Variants in MMP26 observed in about 807,000 individuals in gnomAD.
MMP26 encodes matrix metalloproteinase-26.
Under a neutral mutation model 31.0 loss-of-function variants are expected in MMP26, and 33 were observed. The ratio of observed to expected loss-of-function variants is 1.06; its 90% confidence interval spans 0.81 to 1.42. MMP26 has a LOEUF of 1.42. MMP26 is among the 40% of genes most tolerant of loss of function. MMP26 has a pLI of 0.00. For synonymous variants in MMP26, 122 were observed against 114.9 expected, an observed-to-expected ratio of 1.06 and a Z score of -0.40; for missense variants, 347 against 316.1, an observed-to-expected ratio of 1.10 and a Z score of -0.74.
chr11:4,705,156 C>T (rs1031982432), intron 1 of MMP26, 111 bp downstream of exon 1: 2 of 152,162 alleles, frequency 1.3e-5, no homozygotes, highest in African/African-American at 4.8e-5. Flanking sequence ...TGAGCATGAA[C>T]TCAGTAGTGT....
intron 2 of MMP26, chr11:4,908,283 A>G (rs1850937257): frequency 1.9e-6 from 3 of 1,614,018 alleles, no homozygotes; most frequent in Non-Finnish European, 2.5e-6. Flanking sequence ...ATCTTGGGGA[A>G]GTTGCTTAAT....
chr11:4,765,431 T>C (rs1422409736), intron 1 of MMP26, among the ~76,000 whole-genome samples: 1 of 152,204 alleles, frequency 6.6e-6, no homozygotes, highest in Non-Finnish European at 1.5e-5. Context: ...TGCTCCTCTA[T>C]TCTTGCCTTC....
intron 2 of MMP26, among the ~76,000 whole-genome samples, chr11:4,857,730 C>A (rs1428664302): frequency 6.6e-6 from 1 of 152,140 alleles, no homozygotes; most frequent in Non-Finnish European, 1.5e-5. Context: ...TTTTATGAGG[C>A]CAGCATCATC....
At chr11:4,747,363 TC>T (rs1848394949) in intron 1 of MMP26, among the ~76,000 whole-genome samples, 1 of 152,188 alleles carries the variant, frequency 6.6e-6, no homozygotes, top group South Asian at 2.1e-4. Flanking sequence ...AGGAAAAGTG[TC>T]CTTAAGAAAC....
At chr11:4,828,536 A>C (rs1849607352) in intron 2 of MMP26, among the ~76,000 whole-genome samples, 1 of 152,108 alleles carries the variant, frequency 6.6e-6, no homozygotes, top group Non-Finnish European at 1.5e-5. Flanking sequence ...AAAGGAATAA[A>C]ATTTACTTGT....
At chr11:4,917,495 T>G (rs769963274) in intron 2 of MMP26, among the ~76,000 whole-genome samples, 5 of 152,186 alleles carry the variant, frequency 3.3e-5, no homozygotes, top group Admixed American at 3.3e-4. Context: ...ATAAACTGAT[T>G]GGAGAAACAC....
At chr11:4,776,491 G>A (rs1848792472) in intron 2 of MMP26, among the ~76,000 whole-genome samples, 2 of 151,738 alleles carry the variant, frequency 1.3e-5, no homozygotes, top group South Asian at 2.1e-4. Flanking sequence ...TTTCTGACTG[G>A]TTCAAGATTA....
At chr11:4,879,043 G>A (rs1398360532) in intron 2 of MMP26, among the ~76,000 whole-genome samples, 1 of 152,114 alleles carries the variant, frequency 6.6e-6, no homozygotes, top group Non-Finnish European at 1.5e-5. Context: ...AGACCAGCCT[G>A]GCCAACATGA....
intron 5 of MMP26, 114 bp from the exon 6 acceptor site, chr11:4,991,257 C>A: frequency 1.5e-6 from 2 of 1,296,494 alleles, no homozygotes; most frequent in Non-Finnish European, 2.1e-6. Context: ...CTCTCACATC[C>A]CCCAGTGGTA....
intron 1 of MMP26, among the ~76,000 whole-genome samples, chr11:4,715,997 A>G (rs1847925085): frequency 6.6e-6 from 1 of 152,228 alleles, no homozygotes; most frequent in Admixed American, 6.5e-5. Flanking sequence ...ATCTCGAAGG[A>G]GGTTCTACTG....
At chr11:4,714,785 G>A (rs1009948747) in intron 1 of MMP26, among the ~76,000 whole-genome samples, 1 of 152,034 alleles carries the variant, frequency 6.6e-6, no homozygotes, top group African/African-American at 2.4e-5. Flanking sequence ...CTTACAATGG[G>A]CCTGGAGTGT....
intron 2 of MMP26, among the ~76,000 whole-genome samples, chr11:4,786,543 A>G (rs554331125): frequency 1.6e-4 from 19 of 119,644 alleles, no homozygotes; most frequent in Non-Finnish European, 2.9e-4. Flanking sequence ...GTTGTGAGAT[A>G]GGATGAGGTA....
intron 1 of MMP26, among the ~76,000 whole-genome samples, chr11:4,747,040 T>C (rs73393011): frequency 0.045 from 6,780 of 152,212 alleles, 483 homozygotes; most frequent in African/African-American, 0.16. Context: ...TCCCAGGTCA[T>C]TGATCCTGGC....
At chr11:4,821,791 C>T (rs767787431) in intron 2 of MMP26, 12 of 1,613,032 alleles carry the variant, frequency 7.4e-6, no homozygotes, top group Admixed American at 3.3e-5. Flanking sequence ...GGCCTTTGAT[C>T]GTTTTGTGGC....
intron 2 of MMP26, among the ~76,000 whole-genome samples, chr11:4,816,473 A>G (rs184407158): frequency 2.6e-5 from 4 of 151,972 alleles, no homozygotes; most frequent in Admixed American, 2.6e-4. Context: ...CTCTACTATT[A>G]TTGTTGCAGT....
chr11:4,820,219 T>A (rs1458267544), intron 2 of MMP26, among the ~76,000 whole-genome samples: 1 of 152,228 alleles, frequency 6.6e-6, no homozygotes, highest in East Asian at 1.9e-4. Context: ...TTTCTTCTAC[T>A]GCCTAACTGC....
At chr11:4,884,258 T>C (rs1850518397) in intron 2 of MMP26, among the ~76,000 whole-genome samples, 2 of 152,140 alleles carry the variant, frequency 1.3e-5, no homozygotes, top group Non-Finnish European at 2.9e-5. Context: ...CTATAAAGTA[T>C]GCAATTATAA....
chr11:4,779,223 A>G (rs1453288939), intron 2 of MMP26, among the ~76,000 whole-genome samples: 1 of 152,064 alleles, frequency 6.6e-6, no homozygotes, highest in South Asian at 2.1e-4. Flanking sequence ...AACATTAAGT[A>G]TGATTTTTGA....
intron 2 of MMP26, among the ~76,000 whole-genome samples, chr11:4,974,248 A>G (rs1846705876): frequency 6.6e-6 from 1 of 152,028 alleles, no homozygotes; most frequent in African/African-American, 2.4e-5. Flanking sequence ...GTTGCAATAT[A>G]TGTCCTGCTT....
Sources: allele counts gnomAD v4.1 joint callset (sites outside exome capture counted in the v4.1 genomes callset), GRCh38; gene constraint gnomAD v4.1.1; transcripts MANE v1.5; gene names NCBI Gene and HGNC (gene_info 2026-07-23, HGNC 2026-07-21).